The following SYNJ2 variants were observed in gnomAD, a reference collection of about 807,000 sequenced individuals.
SYNJ2 encodes polyphosphatidylinositol phosphatase SYNJ2.
In SYNJ2, 116 loss-of-function variants were observed where a neutral mutation model predicts 141.3. The ratio of observed to expected loss-of-function variants is 0.82; its 90% confidence interval spans 0.71 to 0.96. The LOEUF (loss-of-function observed/expected upper bound fraction) is 0.96, where lower values mean the gene tolerates loss of function less well. Ranked by LOEUF, SYNJ2 falls within the 40% of genes least tolerant of loss-of-function variation. The pLI, the probability that SYNJ2 is intolerant of heterozygous loss-of-function variation, is 0.00. For missense variants in SYNJ2, 1,873 were observed against 1,934.8 expected (o/e 0.97, Z 0.60); for synonymous variants, 745 against 777.7 (o/e 0.96, Z 0.70).
rs114555445 is a variant in SYNJ2 at position 158,058,380 on chromosome 6, A to G, written c.858-877A>G. ...GTTACTTTTAAAAAGCTGGTGATCA[A>G]GAATAAATATTGGAATCTCTCCCTA... On this transcript the variant is annotated intron_variant, in intron 6 of 26. Coordinates refer to ENST00000355585, the MANE Select transcript of SYNJ2 (RefSeq NM_003898.4). Among the ~76,000 whole-genome samples the G allele has an allele frequency of 8.2e-3, 1,245 of 152,378 alleles. 23 individuals are homozygous for G. The highest frequency in any genetic ancestry group is 0.028 in the African/African-American group (1,166 of 41,578).
intron 2 of SYNJ2, chr6:158,028,410 G>A (rs1779173096): frequency 6.9e-6 from 2 of 291,806 alleles, no homozygotes; most frequent in South Asian, 9.4e-5. Context: ...CTCTAGGCCA[G>A]GAATTTTCAG....
intron 3 of SYNJ2, among the ~76,000 whole-genome samples, chr6:158,029,649 C>T (rs1248437537): frequency 4.6e-5 from 7 of 152,042 alleles, no homozygotes; most frequent in African/African-American, 9.7e-5. Context: ...TCCTCAGTCC[C>T]GGGTGCCGAG....
At chr6:158,080,399 C>T (rs1257024359) in intron 18 of SYNJ2, among the ~76,000 whole-genome samples, 7 of 151,278 alleles carry the variant, frequency 4.6e-5, no homozygotes, top group African/African-American at 1.2e-4. Context: ...CACTTGAGCC[C>T]GGGAGGCGGA....
chr6:158,095,983 C>T lies in SYNJ2; in HGVS notation c.4110C>T (p.His1370=). 1 of 1,614,204 alleles carries T rather than the reference C, an allele frequency of 6.2e-7. No individual in the cohort carries two copies. The highest frequency in any genetic ancestry group is 1.3e-5 in the African/African-American group (1 of 75,072). Residue 1370 remains histidine, a synonymous_variant, in exon 27 of 27, where the codon CAC becomes CAT. Coordinates refer to ENST00000355585, the MANE Select transcript of SYNJ2 (RefSeq NM_003898.4). ...TYNSSDSPSG[H]PPAAGTVFPQ... is the part of the protein sequence containing the mutation. ...ATAGCAGTGACAGCCCCTCTGGGCACCCACCTGCCGCGGGCACCGTCTTCC... is the reference window on the plus strand; with the variant it reads ...ATAGCAGTGACAGCCCCTCTGGGCATCCACCTGCCGCGGGCACCGTCTTCC...
At position 158,076,695 on chromosome 6, in the gene SYNJ2, G is replaced by T. The variant is rs199595114; in HGVS notation, c.2362G>T (p.Ala788Ser). 5.6e-6 allele frequency: 9 copies of T among 1,613,988 alleles called. No homozygotes were observed. In the Admixed American group the frequency reaches 1.5e-4, roughly 27 times the overall value. ...PTYKYDVGSA[A>S]YDTSDKCRTP... is the part of the protein sequence containing the mutation. ...CTACAAGTATGACGTTGGCTCAGCC[G>T]CCTACGATACAAGCGACAAATGCCG... The change falls in exon 17 of 27, where the codon GCC (alanine) becomes TCC (serine). Residue 788 changes from alanine to serine, a missense_variant. Ala to Ser is a moderately conservative substitution (Grantham distance 99). Coordinates refer to ENST00000355585, the MANE Select transcript of SYNJ2 (RefSeq NM_003898.4).
At chr6:158,063,529 C>T (rs568045173) in intron 8 of SYNJ2, among the ~76,000 whole-genome samples, 11 of 151,920 alleles carry the variant, frequency 7.2e-5, no homozygotes, top group Non-Finnish European at 1.0e-4. Flanking sequence ...TGTGATGGCA[C>T]GCACCTGTAG....
intron 16 of SYNJ2, among the ~76,000 whole-genome samples, chr6:158,076,339 C>T (rs1583474155): frequency 6.6e-6 from 1 of 152,150 alleles, no homozygotes; most frequent in Non-Finnish European, 1.5e-5. Context: ...GTGCCTCGGA[C>T]CCTGCACTGT....
At chr6:158,041,819 T>C (rs1294413739) in intron 4 of SYNJ2, among the ~76,000 whole-genome samples, 1 of 152,222 alleles carries the variant, frequency 6.6e-6, no homozygotes, top group Non-Finnish European at 1.5e-5. Context: ...GGTGATCTTC[T>C]TGCCTCAGCC....
chr6:158,091,751 T>TTAA (rs1021845412), intron 25 of SYNJ2, among the ~76,000 whole-genome samples: 3 of 101,036 alleles, frequency 3.0e-5, no homozygotes, highest in African/African-American at 1.1e-4. Context: ...CTCTGTCTCA[T>TTAA]AAAAAAAAAA....
At chr6:158,080,815 C>A (rs1782630768) in intron 18 of SYNJ2, among the ~76,000 whole-genome samples, 1 of 152,216 alleles carries the variant, frequency 6.6e-6, no homozygotes, top group Non-Finnish European at 1.5e-5. Context: ...AGGTGCCACA[C>A]TTTATTTTCC....
At chr6:158,095,148 CAA>C (rs776140659) in intron 26 of SYNJ2, among the ~76,000 whole-genome samples, 5 of 113,570 alleles carry the variant, frequency 4.4e-5, no homozygotes, top group Admixed American at 9.2e-5. Context: ...GACTCCTTCT[CAA>C]AAAAAAAAAA....
In SYNJ2 at chr6:158,095,792, G is replaced by A. The variant is rs1233069441; in HGVS notation, c.3919G>A (p.Ala1307Thr). The A allele has an allele frequency of 6.2e-7, 1 of 1,614,206 alleles. No homozygotes were observed. The highest frequency in any genetic ancestry group is 8.5e-7 in the Non-Finnish European group (1 of 1,180,030). The change falls in exon 27 of 27, where the codon GCA (alanine) becomes ACA (threonine). Residue 1307 changes from alanine to threonine, a missense_variant. Coordinates refer to ENST00000355585, the MANE Select transcript of SYNJ2 (RefSeq NM_003898.4). ...AGAGAGGCCAAGCCACAGGAAGCCA[G>A]CATCAGACGAAGCCCCTCCTGGGGC... is the stretch of plus-strand genomic sequence containing the variant. ...AAERPSHRKP[A>T]SDEAPPGAGA...
chr6:158,015,475 T>C (rs1778419008), intron 1 of SYNJ2, among the ~76,000 whole-genome samples: 1 of 152,304 alleles, frequency 6.6e-6, no homozygotes, highest in South Asian at 2.1e-4. Context: ...GGGAGAAAAG[T>C]CCATCTTTAT....
Position 158,096,840 on chromosome 6 carries a change from C to T in SYNJ2, c.*476C>T, listed in dbSNP as rs1341303098. ...GTCGTTGTGACCATTAGTAGCTGTC[C>T]TGGCCCACTTAAACAAGGTTACAAA... On this transcript the variant is annotated 3_prime_UTR_variant, in exon 27 of 27. Coordinates refer to ENST00000355585, the MANE Select transcript of SYNJ2 (RefSeq NM_003898.4). 2.6e-5 allele frequency: 4 copies of T among 156,080 alleles called. No homozygotes were observed. The highest frequency in any genetic ancestry group is 6.4e-5 in the Admixed American group (1 of 15,698). The allele number at this position is 156,080 out of a possible 1,614,324, so 9.7% of individuals were successfully genotyped here.
At chr6:157,992,428 T>C (rs1242265127) in intron 1 of SYNJ2, among the ~76,000 whole-genome samples, 4 of 150,386 alleles carry the variant, frequency 2.7e-5, no homozygotes, top group African/African-American at 9.7e-5. Context: ...TTTTTTCCTT[T>C]TTTTTGAGAC....
chr6:158,063,975 C>A, intron 9 of SYNJ2, 103 bp downstream of exon 9: 2 of 1,215,156 alleles, frequency 1.6e-6, no homozygotes, highest in Non-Finnish European at 1.2e-6. Flanking sequence ...AGGGTGGCAT[C>A]ACCAAGACAA....
intron 9 of SYNJ2, among the ~76,000 whole-genome samples, 184 bp from the exon 10 acceptor site, chr6:158,064,417 A>G (rs754519168): frequency 2.6e-5 from 4 of 152,124 alleles, no homozygotes; most frequent in African/African-American, 7.2e-5. Context: ...GACCCTATAG[A>G]TAAAGTTGGG....
Position 158,071,599 on chromosome 6 carries a change from C to T in SYNJ2, c.1941-3C>T, listed in dbSNP as rs2128375453. ...ACGGCATGCGCGTATCCTTCTGTTCCAGGGACGTAGCCATCGACACAGTGA... is the reference window on the plus strand; with the variant it reads ...ACGGCATGCGCGTATCCTTCTGTTCTAGGGACGTAGCCATCGACACAGTGA... On this transcript the variant is annotated splice_region_variant and splice_polypyrimidine_tract_variant and intron_variant, in intron 14 of 26. Coordinates refer to ENST00000355585, the MANE Select transcript of SYNJ2 (RefSeq NM_003898.4). This position sits in a 1 kb window ranked among gnomAD's most constrained non-coding sequence, Gnocchi z 4.3. 1.9e-6 allele frequency: 3 copies of T among 1,613,346 alleles called. No individual in the cohort carries two copies. The highest frequency in any genetic ancestry group is 3.3e-5 in the Admixed American group (2 of 59,946).
chr6:157,981,729 G>C (rs927248037), upstream of SYNJ2, among the ~76,000 whole-genome samples: 3 of 151,800 alleles, frequency 2.0e-5, no homozygotes, highest in African/African-American at 7.2e-5. This position sits in a 1 kb window ranked among gnomAD's most constrained non-coding sequence, Gnocchi z 6.4. Context: ...TGGCCGCTGG[G>C]GGGAGCGCGG....
Sources: allele counts gnomAD v4.1 joint callset (sites outside exome capture counted in the v4.1 genomes callset), GRCh38; gene constraint gnomAD v4.1.1; non-coding constraint Gnocchi (gnomAD v3.1); transcripts MANE v1.5; gene names NCBI Gene and HGNC (gene_info 2026-07-23, HGNC 2026-07-21).